Variants in C11orf97 observed in about 807,000 individuals in gnomAD.
C11orf97 encodes uncharacterized protein C11orf97.
In C11orf97, 15 loss-of-function variants were observed where a neutral mutation model predicts 16.2. That is an observed-to-expected ratio of 0.93 (90% CI 0.62 to 1.43). C11orf97 has a LOEUF of 1.43. C11orf97 is among the 40% of genes most tolerant of loss of function. The pLI, the probability that C11orf97 is intolerant of heterozygous loss-of-function variation, is 0.00. For synonymous variants in C11orf97, 61 were observed against 65.7 expected, an observed-to-expected ratio of 0.93 and a Z score of 0.34; for missense variants, 171 against 161.2, an observed-to-expected ratio of 1.06 and a Z score of -0.33.
intron 2 of C11orf97, 66 bp from the exon 3 acceptor site, chr11:94,528,018 T>C: frequency 7.0e-7 from 1 of 1,422,558 alleles, no homozygotes; most frequent in South Asian, 1.5e-5. Flanking sequence ...TTAAATACTT[T>C]AAAAACTCTG....
At position 94,512,521 on chromosome 11, in the gene C11orf97, G is replaced by C. The variant is rs1260138068; in HGVS notation, c.-8G>C. On this transcript the variant is annotated 5_prime_UTR_variant, in exon 1 of 4. Transcript: ENST00000542198. ...CCGTGCCCAGGGCTCTCGGAAGACC[G>C]CTGCGGCATGACAGGCGAGGAGGCG... is the stretch of plus-strand genomic sequence containing the variant. 2.3e-6 allele frequency: 3 copies of C among 1,300,632 alleles called. No individual in the cohort carries two copies. The highest frequency in any genetic ancestry group is 3.1e-5 in the East Asian group (1 of 32,384). 80.6% of individuals were successfully genotyped at this position (1,300,632 alleles called of 1,614,324 possible).
At position 94,521,237 on chromosome 11, in the gene C11orf97, T is replaced by G. The variant is rs535042667; in HGVS notation, c.250+3550T>G. Among the ~76,000 whole-genome samples the G allele has an allele frequency of 1.4e-4, 21 of 152,366 alleles. No individual in the cohort carries two copies. The South Asian group carries it at 4.1e-3, about 30-fold the overall frequency. On this transcript the variant is annotated intron_variant, in intron 2 of 3. Coordinates refer to ENST00000542198, the MANE Select transcript of C11orf97 (RefSeq NM_001190462.2). ...TCCTGTTTTCTATTGCTACCTGAAA[T>G]TTTATGCAGACAGTCCCCAACTTAT...
At chr11:94,527,815 T>C (rs1947711071) in intron 2 of C11orf97, among the ~76,000 whole-genome samples, 1 of 152,244 alleles carries the variant, frequency 6.6e-6, no homozygotes, top group African/African-American at 2.4e-5. Flanking sequence ...CTCTGTTTTG[T>C]TATGTATGTT....
chr11:94,530,184 C>T (rs1947727630), intron 3 of C11orf97, among the ~76,000 whole-genome samples: 1 of 152,182 alleles, frequency 6.6e-6, no homozygotes, highest in Admixed American at 6.5e-5. Flanking sequence ...TTTCATGGCT[C>T]CCGCTCATTT....
At chr11:94,530,333 C>T (rs1947729114) in intron 3 of C11orf97, among the ~76,000 whole-genome samples, 1 of 152,218 alleles carries the variant, frequency 6.6e-6, no homozygotes, top group African/African-American at 2.4e-5. Flanking sequence ...AGGTTGCCAG[C>T]TGCATTTTTG....
At chr11:94,526,553 C>T (rs544562997) in intron 2 of C11orf97, among the ~76,000 whole-genome samples, 1 of 152,302 alleles carries the variant, frequency 6.6e-6, no homozygotes, top group African/African-American at 2.4e-5. Flanking sequence ...ACTGGATCTT[C>T]ACAAAGTGTC....
At chr11:94,515,727 G>A (rs1947606802) in intron 1 of C11orf97, among the ~76,000 whole-genome samples, 3 of 149,576 alleles carry the variant, frequency 2.0e-5, no homozygotes. Context: ...TTTTCTGCCT[G>A]AAAGTTCTGC....
In C11orf97 at chr11:94,525,466, G is replaced by T. The variant is rs1947692605; in HGVS notation, c.251-2618G>T. On this transcript the variant is annotated intron_variant, in intron 2 of 3. Transcript: ENST00000542198. ...AGTACAAGCTTAGAAAGTGCAAAAT[G>T]TTGCCAAGCAAATGTGGATATATTT... is the stretch of plus-strand genomic sequence containing the variant. Among the ~76,000 whole-genome samples the T allele has an allele frequency of 2.0e-5, 3 of 152,198 alleles. No homozygotes were observed. In the South Asian group the frequency reaches 6.2e-4, roughly 32 times the overall value.
At position 94,512,595 on chromosome 11, in the gene C11orf97, C is replaced by A. The variant is rs780227311; in HGVS notation, c.67C>A (p.Gln23Lys). The change falls in exon 1 of 4, where the codon CAG (glutamine) becomes AAG (lysine). Residue 23 changes from glutamine to lysine, a missense_variant. Transcript: ENST00000542198. ...GCCCAAGGCGGGTCGCGAAGAGGAGCAGCCTCCTCCGCCAGCAGGGCTGGG... is the reference window on the plus strand; with the variant it reads ...GCCCAAGGCGGGTCGCGAAGAGGAGAAGCCTCCTCCGCCAGCAGGGCTGGG... ...VAPKAGREEE[Q>K]PPPPAGLGCG... 31 of 1,281,520 alleles carry A rather than the reference C, an allele frequency of 2.4e-5. No individual in the cohort carries two copies. The highest frequency in any genetic ancestry group is 2.8e-5 in the Non-Finnish European group (28 of 1,014,066). The allele number at this position is 1,281,520 out of a possible 1,614,324, so 79.4% of individuals were successfully genotyped here.
At position 94,529,200 on chromosome 11, in the gene C11orf97, C is replaced by A. The variant is rs191199943; in HGVS notation, c.376+991C>A. The stretch of plus-strand genomic sequence containing the variant: ...CACTAGACACTACTGCATCTCTGAG[C>A]CAAGTGCCCACGAGCTAGGATGTCT... On this transcript the variant is annotated intron_variant, in intron 3 of 3. Coordinates refer to ENST00000542198, the MANE Select transcript of C11orf97 (RefSeq NM_001190462.2). Among the ~76,000 whole-genome samples, 786 of 152,206 alleles carry A rather than the reference C, an allele frequency of 5.2e-3. 10 individuals are homozygous for A. The highest frequency in any genetic ancestry group is 5.4e-3 in the Non-Finnish European group (369 of 68,018).
chr11:94,517,878 G>A (rs1277755900), intron 2 of C11orf97, among the ~76,000 whole-genome samples, 191 bp downstream of exon 2: 4 of 151,930 alleles, frequency 2.6e-5, no homozygotes, highest in African/African-American at 4.8e-5. Flanking sequence ...GGCTGGGCAC[G>A]GTGGCTCACG....
chr11:94,516,628 TA>T (rs35767413), intron 1 of C11orf97, among the ~76,000 whole-genome samples: 88,083 of 151,904 alleles, frequency 0.58, 25,847 homozygotes, highest in African/African-American at 0.63. Context: ...TAATTGTGTA[TA>T]AAAAAATGAA....
At chr11:94,522,459 C>A (rs554034077) in intron 2 of C11orf97, among the ~76,000 whole-genome samples, 83 of 152,264 alleles carry the variant, frequency 5.5e-4, no homozygotes, top group African/African-American at 1.9e-3. Flanking sequence ...ATGGCGTGAA[C>A]CCGGGAGGTG....
intron 3 of C11orf97, 67 bp downstream of exon 3, chr11:94,528,276 G>A (rs1390222201): frequency 7.2e-7 from 1 of 1,380,040 alleles, no homozygotes; most frequent in East Asian, 2.5e-5. Context: ...ACAAACCAGT[G>A]GTATATGCTC....
In C11orf97 at chr11:94,531,944, T is replaced by C. The variant is rs1054694182; in HGVS notation, c.*44T>C. On this transcript the variant is annotated 3_prime_UTR_variant, in exon 4 of 4. Transcript: ENST00000542198. ...TTAAGAAGGAACCTCTTTCTGCTGATGTCTGAAGAACGGAGAAGAAACTCA... is the reference window on the plus strand; with the variant it reads ...TTAAGAAGGAACCTCTTTCTGCTGACGTCTGAAGAACGGAGAAGAAACTCA... 1 of 1,431,490 alleles carries C rather than the reference T, an allele frequency of 7.0e-7. No individual in the cohort carries two copies. The highest frequency in any genetic ancestry group is 9.2e-7 in the Non-Finnish European group (1 of 1,089,056). The allele number at this position is 1,431,490 out of a possible 1,614,324, so 88.7% of individuals were successfully genotyped here.
chr11:94,522,992 T>C (rs960754094), intron 2 of C11orf97, among the ~76,000 whole-genome samples: 1 of 152,126 alleles, frequency 6.6e-6, no homozygotes, highest in Non-Finnish European at 1.5e-5. Context: ...CACTCCACTG[T>C]TCAGCATCCT....
At chr11:94,521,398 G>GCAGT (rs1231733362) in intron 2 of C11orf97, among the ~76,000 whole-genome samples, 1 of 152,212 alleles carries the variant, frequency 6.6e-6, no homozygotes. Context: ...GCAATGCTGG[G>GCAGT]CAGTGGCCAT....
At chr11:94,513,885 T>C (rs1209592044) in intron 1 of C11orf97, among the ~76,000 whole-genome samples, 1 of 152,174 alleles carries the variant, frequency 6.6e-6, no homozygotes, top group Non-Finnish European at 1.5e-5. Flanking sequence ...CTGGGCTCAC[T>C]GCAACTCAGC....
chr11:94,523,833 G>A (rs1350311671), intron 2 of C11orf97, among the ~76,000 whole-genome samples: 1 of 151,656 alleles, frequency 6.6e-6, no homozygotes, highest in Non-Finnish European at 1.5e-5. Context: ...GTCATATTGT[G>A]ACTATAGTTA....
Sources: allele counts gnomAD v4.1 joint callset (sites outside exome capture counted in the v4.1 genomes callset), GRCh38; gene constraint gnomAD v4.1.1; transcripts MANE v1.5; gene names NCBI Gene and HGNC (gene_info 2026-07-23, HGNC 2026-07-21).